The following PPP1R12B variants were observed in gnomAD, a reference collection of about 807,000 sequenced individuals.
PPP1R12B encodes the protein protein phosphatase 1 regulatory subunit 12B.
Under a neutral mutation model 126.1 loss-of-function variants are expected in PPP1R12B, and 76 were observed. The ratio of observed to expected loss-of-function variants is 0.60; its 90% CI spans 0.50 to 0.73. PPP1R12B has a LOEUF of 0.73. Ranked by LOEUF, PPP1R12B falls within the 30% of genes least tolerant of loss-of-function variation. The probability of loss-of-function intolerance (pLI) is 0.00; values close to 1 mark genes in which losing one functional copy is unlikely to be tolerated. For synonymous variants in PPP1R12B, 356 were observed against 434.7 expected, an observed-to-expected ratio of 0.82 and a Z score of 2.25; for missense variants, 1,052 against 1,205.1, an observed-to-expected ratio of 0.87 and a Z score of 1.88.
At chr1:202,363,532 A>G (rs116147067) in intron 1 of PPP1R12B, among the ~76,000 whole-genome samples, 2,859 of 152,250 alleles carry the variant, frequency 0.019, 47 homozygotes, top group Non-Finnish European at 0.029. Flanking sequence ...CTCTCCTGGG[A>G]ATTTCTAGTT....
chr1:202,523,770 A>C (rs974716949), intron 18 of PPP1R12B, among the ~76,000 whole-genome samples: 1 of 152,044 alleles, frequency 6.6e-6, no homozygotes, highest in Non-Finnish European at 1.5e-5. Context: ...GATGGAGTGC[A>C]TTGGCGCCAT....
chr1:202,468,549 G>A (rs1675368756), intron 13 of PPP1R12B, among the ~76,000 whole-genome samples: 2 of 152,164 alleles, frequency 1.3e-5, no homozygotes, highest in Admixed American at 6.5e-5. Context: ...CCTCTCCAGA[G>A]CTATCTCTTT....
chr1:202,357,052 C>T (rs1310503983), intron 1 of PPP1R12B, among the ~76,000 whole-genome samples: 2 of 152,110 alleles, frequency 1.3e-5, no homozygotes, highest in African/African-American at 4.8e-5. Flanking sequence ...AAACTCCTGA[C>T]TTCAGGTGAT....
Position 202,399,597 on chromosome 1 carries a change from A to G in PPP1R12B, c.292-17190A>G, listed in dbSNP as rs1165278646. On this transcript the variant is annotated intron_variant, in intron 1 of 23. Transcript: ENST00000608999. ...CTGCAAGCTCCACCTCCTGGGTTCA[A>G]GCCATTCTCCTGCCTCAGCCTCCTG... Among the ~76,000 whole-genome samples the G allele has an allele frequency of 2.0e-5, 3 of 151,802 alleles. No homozygotes were observed. In the East Asian group the frequency reaches 5.8e-4, roughly 29 times the overall value.
At chr1:202,453,846 A>G (rs765606025) in intron 13 of PPP1R12B, among the ~76,000 whole-genome samples, 1 of 152,002 alleles carries the variant, frequency 6.6e-6, no homozygotes, top group Non-Finnish European at 1.5e-5. Flanking sequence ...GAAGGAAACT[A>G]ATTTCTGGGC....
At chr1:202,537,227 G>A (rs1416824124) in intron 18 of PPP1R12B, among the ~76,000 whole-genome samples, 1 of 152,038 alleles carries the variant, frequency 6.6e-6, no homozygotes, top group Non-Finnish European at 1.5e-5. Flanking sequence ...GGTGGCAGGC[G>A]CTTGTTGTCC....
At chr1:202,375,144 A>G (rs1660968275) in intron 1 of PPP1R12B, among the ~76,000 whole-genome samples, 2 of 151,502 alleles carry the variant, frequency 1.3e-5, no homozygotes, top group African/African-American at 2.4e-5. Context: ...GGCTTTCACC[A>G]TGTTGGTCAG....
chr1:202,517,678 T>G (rs933622302), intron 18 of PPP1R12B, among the ~76,000 whole-genome samples: 17 of 150,614 alleles, frequency 1.1e-4, no homozygotes, highest in African/African-American at 4.2e-4. Context: ...CAGGCTGGAG[T>G]GTCATGGCGT....
chr1:202,451,055 A>C (rs1333890702), intron 13 of PPP1R12B, among the ~76,000 whole-genome samples: 3 of 148,200 alleles, frequency 2.0e-5, no homozygotes, highest in African/African-American at 7.4e-5. Context: ...TATAGTTTTC[A>C]TTGTAAAGAT....
chr1:202,360,607 G>A (rs548739653), intron 1 of PPP1R12B, among the ~76,000 whole-genome samples: 3 of 151,976 alleles, frequency 2.0e-5, no homozygotes, highest in African/African-American at 7.2e-5. Flanking sequence ...TACTTGGGAG[G>A]CTGAGGCAGG....
intron 9 of PPP1R12B, 141 bp from the exon 10 acceptor site, chr1:202,437,680 A>G (rs374943150): frequency 1.4e-6 from 1 of 739,980 alleles, no homozygotes; most frequent in East Asian, 2.7e-5. Flanking sequence ...GAACATGGGC[A>G]GAAAGACTGC....
intron 1 of PPP1R12B, among the ~76,000 whole-genome samples, chr1:202,362,953 C>A (rs1036029496): frequency 6.6e-6 from 1 of 152,110 alleles, no homozygotes; most frequent in Non-Finnish European, 1.5e-5. Flanking sequence ...TGTGCCTCAG[C>A]CCCCTGAGTA....
intron 23 of PPP1R12B, chr1:202,576,886 G>A (rs1277349313): frequency 1.3e-5 from 2 of 151,646 alleles, no homozygotes; most frequent in Non-Finnish European, 2.9e-5. Flanking sequence ...GAGAGTAAGT[G>A]GTAGAACCAA....
intron 23 of PPP1R12B, among the ~76,000 whole-genome samples, chr1:202,577,979 A>G (rs1346944851): frequency 1.3e-5 from 2 of 152,218 alleles, no homozygotes; most frequent in African/African-American, 4.8e-5. Context: ...ATATGTTCTT[A>G]TTTAACCATT....
rs536765978 is a variant in PPP1R12B at position 202,382,803 on chromosome 1, G to A, written c.291+33661G>A. On this transcript the variant is annotated intron_variant, in intron 1 of 23. Coordinates refer to ENST00000608999, the MANE Select transcript of PPP1R12B (RefSeq NM_002481.4). ...AGGCAGGAGAATATCTTGAACCCTG[G>A]AGCCAGAGGTTACAGTGAGCCAAGA... 2.0e-5 allele frequency among the ~76,000 whole-genome samples: 3 copies of A among 151,800 alleles called. No homozygotes were observed. In the East Asian group the frequency reaches 5.8e-4, roughly 29 times the overall value.
At chr1:202,515,040 G>GA (rs1331493539) in intron 18 of PPP1R12B, among the ~76,000 whole-genome samples, 1 of 152,170 alleles carries the variant, frequency 6.6e-6, no homozygotes, top group East Asian at 1.9e-4. Flanking sequence ...ACTAATGCAG[G>GA]AACAGAAAAC....
chr1:202,575,407 C>T, intron 23 of PPP1R12B: 1 of 402,834 alleles, frequency 2.5e-6, no homozygotes, highest in Non-Finnish European at 4.5e-6. Context: ...AGCTTCTCTT[C>T]CCCTGGAGAC....
At position 202,587,268 on chromosome 1, in the gene PPP1R12B, C is replaced by T. The variant is rs1689873549; in HGVS notation, c.*6708C>T. On this transcript the variant is annotated 3_prime_UTR_variant, in exon 24 of 24. Coordinates refer to ENST00000608999, the MANE Select transcript of PPP1R12B (RefSeq NM_002481.4). Reference sequence around the variant, plus strand: ...TGCATTCTTAATTCCTTGCTTTTCTCACTTGGAGCCGAGGGTGCTTTAGAG... The same window carrying T: ...TGCATTCTTAATTCCTTGCTTTTCTTACTTGGAGCCGAGGGTGCTTTAGAG... 6.6e-6 allele frequency: 1 copy of T among 152,210 alleles called. No individual in the cohort carries two copies. Among genetic ancestry groups the T allele is most frequent in the Admixed American group, 6.5e-5 (1 of 15,282 alleles). 9.4% of individuals were successfully genotyped at this position (152,210 alleles called of 1,614,324 possible). A position where few individuals can be genotyped will look rare whatever the true frequency, so the allele number is the denominator to read the frequency against.
At chr1:202,414,929 C>A (rs932014676) in intron 1 of PPP1R12B, among the ~76,000 whole-genome samples, 1 of 152,072 alleles carries the variant, frequency 6.6e-6, no homozygotes, top group African/African-American at 2.4e-5. Flanking sequence ...ACTACACGTG[C>A]GTGCCACCAT....
Sources: allele counts gnomAD v4.1 joint callset (sites outside exome capture counted in the v4.1 genomes callset), GRCh38; gene constraint gnomAD v4.1.1; transcripts MANE v1.5; gene names NCBI Gene and HGNC (gene_info 2026-07-23, HGNC 2026-07-21).